OSBPL10: variants seen among roughly 807,000 people sequenced by gnomAD.
The protein encoded by OSBPL10 is oxysterol-binding protein-related protein 10.
In OSBPL10, 49 loss-of-function variants were observed where a neutral mutation model predicts 81.7. That is an observed-to-expected ratio of 0.60 (90% CI 0.48 to 0.76). The LOEUF is 0.76. OSBPL10 is among the 30% of genes least tolerant of loss of function. The pLI, the probability that OSBPL10 is intolerant of heterozygous loss-of-function variation, is 0.00. For missense variants in OSBPL10, 923 were observed against 987.8 expected, an observed-to-expected ratio of 0.93 and a Z score of 0.88; for synonymous variants, 419 against 383.6, an observed-to-expected ratio of 1.09 and a Z score of -1.08.
intron 3 of OSBPL10, among the ~76,000 whole-genome samples, chr3:31,856,199 C>T (rs1282537539): frequency 6.6e-6 from 1 of 151,118 alleles, no homozygotes; most frequent in Admixed American, 6.6e-5. Context: ...GGCGGGCAGC[C>T]AAATGTTAAG....
At chr3:31,891,259 T>C (rs1011479859) in intron 1 of OSBPL10, among the ~76,000 whole-genome samples, 3 of 152,158 alleles carry the variant, frequency 2.0e-5, no homozygotes, top group South Asian at 2.1e-4. Flanking sequence ...CACCTGGAAG[T>C]TGGTTAAAAC....
chr3:31,803,122 C>T (rs1437836892), intron 4 of OSBPL10, among the ~76,000 whole-genome samples: 1 of 152,064 alleles, frequency 6.6e-6, no homozygotes, highest in Non-Finnish European at 1.5e-5. Flanking sequence ...TGTGTAACAT[C>T]GGCTCCACCC....
intron 1 of OSBPL10, among the ~76,000 whole-genome samples, chr3:31,933,464 G>A (rs189047057): frequency 6.6e-6 from 1 of 151,828 alleles, no homozygotes; most frequent in Non-Finnish European, 1.5e-5. Context: ...GAATGCAGTG[G>A]TGCTATCATA....
intron 3 of OSBPL10, among the ~76,000 whole-genome samples, chr3:31,846,895 T>A (rs13085479): frequency 0.68 from 102,800 of 151,888 alleles, 36,281 homozygotes; most frequent in East Asian, 0.87. Flanking sequence ...GTCCTCTATA[T>A]TCCTCTATCC....
chr3:31,703,083 A>T (rs1026556594), intron 6 of OSBPL10, among the ~76,000 whole-genome samples: 1 of 152,226 alleles, frequency 6.6e-6, no homozygotes, highest in African/African-American at 2.4e-5. Flanking sequence ...GGCAAAACTG[A>T]AACTTTATGA....
chr3:31,826,017 T>G (rs1488800974), intron 4 of OSBPL10, among the ~76,000 whole-genome samples: 2 of 152,226 alleles, frequency 1.3e-5, no homozygotes, highest in Non-Finnish European at 1.5e-5. Flanking sequence ...GTATTATTGT[T>G]TAGTCATTCC....
intron 1 of OSBPL10, among the ~76,000 whole-genome samples, chr3:31,980,105 A>G (rs1343791425): frequency 1.3e-5 from 2 of 151,866 alleles, no homozygotes; most frequent in South Asian, 4.2e-4. Context: ...CCGGGGTTCA[A>G]GCGATTCTCC....
intron 1 of OSBPL10, among the ~76,000 whole-genome samples, chr3:31,891,993 G>A (rs902068093): frequency 1.3e-5 from 2 of 152,078 alleles, no homozygotes; most frequent in Non-Finnish European, 2.9e-5. Context: ...CTATTCTAAC[G>A]GGGGAGGGAA....
chr3:31,683,980 C>T lies in OSBPL10; in HGVS notation c.1380G>A (p.Glu460=). The change falls in exon 8 of 12, where the codon GAG becomes GAA. Residue 460 remains glutamate, a synonymous_variant. Transcript: ENST00000396556. ...CCTCGTGAAAGGCTGTGAGATAATA[C>T]TCAACGAAGCAAATGACTCTCTCCT... is the stretch of plus-strand genomic sequence containing the variant. The part of the protein sequence containing the change: ...TPEERVICFV[E]YYLTAFHEGR... 1.2e-6 allele frequency: 2 copies of T among 1,614,258 alleles called. No individual in the cohort carries two copies. The highest frequency in any genetic ancestry group is 1.1e-5 in the South Asian group (1 of 91,090).
intron 1 of OSBPL10, among the ~76,000 whole-genome samples, chr3:32,073,608 C>G (rs988930736): frequency 9.9e-5 from 15 of 152,170 alleles, no homozygotes; most frequent in Admixed American, 7.2e-4. Context: ...TTTATTAGGT[C>G]TATCCATCCT....
At chr3:31,708,252 T>C (rs1162294515) in intron 6 of OSBPL10, among the ~76,000 whole-genome samples, 2 of 152,182 alleles carry the variant, frequency 1.3e-5, no homozygotes, top group South Asian at 2.1e-4. Context: ...GTTCTAACAA[T>C]AATAGTGTTA....
Position 31,801,705 on chromosome 3 carries a change from G to A in OSBPL10, c.729+28335C>T, listed in dbSNP as rs550828993. On this transcript the variant is annotated intron_variant, in intron 4 of 11. Coordinates refer to ENST00000396556, the MANE Select transcript of OSBPL10 (RefSeq NM_017784.5). ...CATTGCAAGGAAAGAAAGAAGCCAC[G>A]AATGCCTTCAACAGTATGCTGTGCT... Among the ~76,000 whole-genome samples the A allele has an allele frequency of 3.0e-4, 46 of 152,306 alleles. 1 individual carries two copies. Among genetic ancestry groups the A allele is most frequent in the African/African-American group, 1.0e-3 (42 of 41,552 alleles).
chr3:31,729,307 G>C (rs1696895569), intron 6 of OSBPL10, among the ~76,000 whole-genome samples: 1 of 152,100 alleles, frequency 6.6e-6, no homozygotes, highest in South Asian at 2.1e-4. Flanking sequence ...AGTCACAGTG[G>C]GTGCAGAAAC....
At chr3:31,664,309 C>T (rs1010084404) in intron 10 of OSBPL10, 77 bp from the exon 11 acceptor site, 8 of 1,518,608 alleles carry the variant, frequency 5.3e-6, no homozygotes, top group Admixed American at 1.7e-5. Context: ...CCAGGAGCAG[C>T]CAGAGCAGCG....
chr3:31,693,523 A>G (rs1559419042), intron 7 of OSBPL10, among the ~76,000 whole-genome samples: 1 of 152,242 alleles, frequency 6.6e-6, no homozygotes, highest in Non-Finnish European at 1.5e-5. Context: ...GTCATTTTCC[A>G]TAAACCTGTG....
Position 31,807,720 on chromosome 3 carries a change from T to C in OSBPL10, c.729+22320A>G, listed in dbSNP as rs557478847. Reference sequence around the variant, plus strand: ...GCCACGGCACTCCAGTCTGGATGACTGAGCAAGACCCCATCTCTAAAAAGA... The same window carrying C: ...GCCACGGCACTCCAGTCTGGATGACCGAGCAAGACCCCATCTCTAAAAAGA... On this transcript the variant is annotated intron_variant, in intron 4 of 11. Transcript: ENST00000396556. 3.3e-5 allele frequency among the ~76,000 whole-genome samples: 5 copies of C among 152,192 alleles called. No homozygotes were observed. In the East Asian group the frequency reaches 9.7e-4, roughly 29 times the overall value.
intron 1 of OSBPL10, among the ~76,000 whole-genome samples, chr3:31,897,592 T>C (rs1202012998): frequency 6.6e-6 from 1 of 152,146 alleles, no homozygotes; most frequent in Non-Finnish European, 1.5e-5. Context: ...AGATTCATTA[T>C]AGTAAAATTT....
At chr3:32,006,296 G>T (rs1295203356) in intron 2 of OSBPL10, among the ~76,000 whole-genome samples, 2 of 152,082 alleles carry the variant, frequency 1.3e-5, no homozygotes, top group Non-Finnish European at 2.9e-5. Flanking sequence ...TAGCCATTTT[G>T]ATTTCCCCTT....
At chr3:31,726,600 C>T (rs1696816093) in intron 6 of OSBPL10, among the ~76,000 whole-genome samples, 1 of 152,118 alleles carries the variant, frequency 6.6e-6, no homozygotes, top group African/African-American at 2.4e-5. Flanking sequence ...AGGCGTGAGC[C>T]ACCGCACCTG....
Sources: gnomAD v4.1 joint callset for allele counts (sites outside exome capture counted in the v4.1 genomes callset) on GRCh38, gnomAD v4.1.1 for gene constraint, MANE v1.5 for transcripts, NCBI Gene and HGNC (gene_info 2026-07-23, HGNC 2026-07-21) for gene names.